Variants in SP3 observed in about 807,000 individuals in gnomAD.
SP3 encodes the protein Sp3 transcription factor, also known as transcription factor Sp3.
In SP3, 10 loss-of-function variants were observed where a neutral mutation model predicts 70.3. The observed-to-expected ratio is 0.14, with a 90% CI of 0.09 to 0.24. The LOEUF (loss-of-function observed/expected upper bound fraction) is 0.24. SP3 is among the 10% of genes least tolerant of loss of function. The pLI is 1.00. For synonymous variants in SP3, 402 were observed against 333.5 expected (o/e 1.21, Z -2.24); for missense variants, 825 against 914.6 (o/e 0.90, Z 1.26).
At chr2:173,957,702 G>A (rs1690940937) in intron 3 of SP3, among the ~76,000 whole-genome samples, 1 of 152,116 alleles carries the variant, frequency 6.6e-6, no homozygotes, top group South Asian at 2.1e-4. Flanking sequence ...TTATAAGCAA[G>A]TGAGTGGTGC....
At chr2:173,942,789 C>A (rs1030313183) in intron 4 of SP3, among the ~76,000 whole-genome samples, 25 of 152,180 alleles carry the variant, frequency 1.6e-4, no homozygotes, top group African/African-American at 6.0e-4. Flanking sequence ...AAACTATCAT[C>A]TTTTGCTTGT....
chr2:173,955,945 T>C lies in SP3; in HGVS notation c.567A>G (p.Thr189=), dbSNP rs751547680. The change falls in exon 4 of 7, where the codon ACA becomes ACG. Residue 189 remains threonine, a synonymous_variant. Coordinates refer to ENST00000310015, the MANE Select transcript of SP3 (RefSeq NM_003111.5). The part of the protein sequence containing the change: ...ADGQQVQIGF[T]GSSDNGGINQ... ...TTATACCCCCATTATCTGAAGAGCC[T>C]GTGAAACCAATTTGAACCTGCTGAC... The C allele has an allele frequency of 1.2e-6, 2 of 1,614,206 alleles. No homozygotes were observed. Among genetic ancestry groups the C allele is most frequent in the Admixed American group, 1.7e-5 (1 of 60,032 alleles).
In SP3 at chr2:173,904,475, G is replaced by A. The variant is rs1689260064; in HGVS notation, c.*5466C>T. Among the ~76,000 whole-genome samples the A allele has an allele frequency of 6.6e-6, 1 of 152,074 alleles. No homozygotes were observed. The highest frequency in any genetic ancestry group is 1.5e-5 in the Non-Finnish European group (1 of 68,036). On this transcript the variant is annotated 3_prime_UTR_variant, in exon 7 of 7. Transcript: ENST00000310015. Reference sequence around the variant, plus strand: ...AGGCTATCTTGTGGAACCCCAGGAGGATGAAATGCAGATAGTGAAATGCAA... The same window carrying A: ...AGGCTATCTTGTGGAACCCCAGGAGAATGAAATGCAGATAGTGAAATGCAA...
intron 4 of SP3, among the ~76,000 whole-genome samples, chr2:173,938,624 A>G (rs1216954704): frequency 6.6e-6 from 1 of 152,106 alleles, no homozygotes; most frequent in Non-Finnish European, 1.5e-5. Flanking sequence ...TGACTGCCCA[A>G]TCCCAAAACA....
At chr2:173,918,840 G>A in intron 4 of SP3, 55 bp from the exon 5 acceptor site, 1 of 1,472,938 alleles carries the variant, frequency 6.8e-7, no homozygotes, top group East Asian at 2.3e-5. Context: ...GGCCCAAAAA[G>A]ACAGCATGAA....
At chr2:173,954,724 A>G in intron 4 of SP3, 149 bp downstream of exon 4, 2 of 705,994 alleles carry the variant, frequency 2.8e-6, no homozygotes, top group Non-Finnish European at 2.3e-6. Context: ...AGATACTTTG[A>G]TGTCTACTTT....
At position 173,901,065 on chromosome 2, in the gene SP3, A is replaced by G. The variant is rs72921228; in HGVS notation, c.*8876T>C. On this transcript the variant is annotated 3_prime_UTR_variant, in exon 7 of 7. Coordinates refer to ENST00000310015, the MANE Select transcript of SP3 (RefSeq NM_003111.5). ...GGATGTCAAGAATTTAGGATAAATA[A>G]CAGAGAGGGCATTATAATCAGCAGG... Among the ~76,000 whole-genome samples, 10,652 of 152,262 alleles carry G rather than the reference A, an allele frequency of 0.07. 555 individuals carry two copies. Among genetic ancestry groups the G allele is most frequent in the African/African-American group, 0.14 (5,733 of 41,546 alleles).
At chr2:173,964,119 G>A (rs1308955198) in intron 2 of SP3, 4 of 355,848 alleles carry the variant, frequency 1.1e-5, no homozygotes, top group Admixed American at 4.8e-5. Flanking sequence ...CGGGCGGCGG[G>A]CTGCGCGCCG....
chr2:173,965,448 TCCAGGCGCCTGTCCGTCGGTCTG>T (rs974434400), upstream of SP3: 2 of 420,230 alleles, frequency 4.8e-6, no homozygotes, highest in Non-Finnish European at 8.5e-6. Flanking sequence ...TGCTCATTGG[TCCAGGCGCCTGTCCGTCGGTCTG>T]CCAGGCGGCG....
intron 3 of SP3, among the ~76,000 whole-genome samples, chr2:173,959,289 G>C (rs927386395): frequency 6.7e-6 from 1 of 148,414 alleles, no homozygotes; most frequent in Non-Finnish European, 1.5e-5. Flanking sequence ...ACCACTAAAA[G>C]AGATAAAGTA....
rs371420817 is a variant in SP3, at chr2:173,927,590, A to G, written c.1640-8805T>C. 5.9e-5 allele frequency among the ~76,000 whole-genome samples: 9 copies of G among 152,224 alleles called. No homozygotes were observed. In the East Asian group the frequency reaches 1.3e-3, roughly 23 times the overall value. On this transcript the variant is annotated intron_variant, in intron 4 of 6. Transcript: ENST00000310015. ...ACCCCACCCGACCTATATCATTCTT[A>G]TAACTTGTTGAAATGCAATGGTAAT...
chr2:173,949,130 TAA>T (rs1690633006), intron 4 of SP3, among the ~76,000 whole-genome samples: 1 of 152,190 alleles, frequency 6.6e-6, no homozygotes, highest in Admixed American at 6.5e-5. Context: ...TTTGTAACTC[TAA>T]AAAGACCACA....
Position 173,954,863 on chromosome 2 carries a change from T to G in SP3, c.1639+10A>C, listed in dbSNP as rs1690827216. ...AACTTATTTATGGCATGACATAACT[T>G]AAGACTCACCTGCAGGACTGTCAGC... On this transcript the variant is annotated intron_variant, in intron 4 of 6. Transcript: ENST00000310015. The G allele has an allele frequency of 6.2e-7, 1 of 1,608,002 alleles. No individual in the cohort carries two copies. Among genetic ancestry groups the G allele is most frequent in the African/African-American group, 1.3e-5 (1 of 74,866 alleles).
chr2:173,950,317 T>C (rs73030133), intron 4 of SP3, among the ~76,000 whole-genome samples: 5,409 of 149,468 alleles, frequency 0.036, 157 homozygotes, highest in Admixed American at 0.1. Flanking sequence ...AGAGCCCTGG[T>C]TTAAAAAAAA....
chr2:173,964,013 T>TCTCCTCCTCCTC (rs533817433), intron 2 of SP3, 130 bp from the exon 3 acceptor site: 2 of 466,220 alleles, frequency 4.3e-6, no homozygotes, highest in Admixed American at 4.6e-5. Flanking sequence ...CAGCCCGCGC[T>TCTCCTCCTCCTC]CTCCTCCTCC....
At chr2:173,965,054 C>G (rs963043002) in intron 1 of SP3, 111 bp downstream of exon 1, 81 of 1,412,838 alleles carry the variant, frequency 5.7e-5, no homozygotes, top group Non-Finnish European at 7.4e-5. Flanking sequence ...CTCACAGACA[C>G]TCGGTCGCAC....
intron 4 of SP3, among the ~76,000 whole-genome samples, chr2:173,944,264 T>C (rs1280101660): frequency 6.6e-6 from 1 of 152,230 alleles, no homozygotes; most frequent in African/African-American, 2.4e-5. Context: ...CCAGGCATGG[T>C]GGCTCATGCC....
chr2:173,904,860 G>A lies in SP3; in HGVS notation c.*5081C>T, dbSNP rs1304918884. ...CTTAGACTTTTTTTTGTGGGGGAAGGATGGAGGGGAGAAATAACTGCATTT... is the reference window on the plus strand; with the variant it reads ...CTTAGACTTTTTTTTGTGGGGGAAGAATGGAGGGGAGAAATAACTGCATTT... On this transcript the variant is annotated 3_prime_UTR_variant, in exon 7 of 7. Coordinates refer to ENST00000310015, the MANE Select transcript of SP3 (RefSeq NM_003111.5). 1.3e-5 allele frequency among the ~76,000 whole-genome samples: 2 copies of A among 152,194 alleles called. No individual in the cohort carries two copies. Among genetic ancestry groups the A allele is most frequent in the Non-Finnish European group, 2.9e-5 (2 of 68,038 alleles).
At chr2:173,958,837 G>A (rs1432408792) in intron 3 of SP3, among the ~76,000 whole-genome samples, 1 of 151,032 alleles carries the variant, frequency 6.6e-6, no homozygotes, top group Non-Finnish European at 1.5e-5. Context: ...AATTGTGTGA[G>A]TTACAGCAAC....
Sources: gnomAD v4.1 joint callset for allele counts (sites outside exome capture counted in the v4.1 genomes callset) on GRCh38, gnomAD v4.1.1 for gene constraint, MANE v1.5 for transcripts, NCBI Gene and HGNC (gene_info 2026-07-23, HGNC 2026-07-21) for gene names.